VAMP5: variants seen among roughly 807,000 people sequenced by gnomAD.
VAMP5 encodes the protein vesicle associated membrane protein 5, also known as vesicle-associated membrane protein 5.
Under a neutral mutation model 8.1 loss-of-function variants are expected in VAMP5, and 10 were observed. The observed-to-expected ratio is 1.23, with a 90% CI of 0.76 to 2.09. The LOEUF (loss-of-function observed/expected upper bound fraction) is 2.09. Ranked by LOEUF, VAMP5 falls within the 30% of genes most tolerant of loss-of-function variation. The pLI is 0.00. For synonymous variants in VAMP5, 62 were observed against 60.6 expected (o/e 1.02, Z -0.11); for missense variants, 135 against 152.5 (o/e 0.89, Z 0.60).
chr2:85,591,936 T>G, intron 2 of VAMP5, 74 bp downstream of exon 2: 1 of 1,587,698 alleles, frequency 6.3e-7, no homozygotes, highest in Non-Finnish European at 8.6e-7. Flanking sequence ...ATTCAGGATC[T>G]CCAGTTCCTT....
intron 1 of VAMP5, 86 bp downstream of exon 1, chr2:85,584,579 G>T: frequency 1.6e-6 from 2 of 1,228,780 alleles, no homozygotes; most frequent in Non-Finnish European, 2.0e-6. Flanking sequence ...AAGTCCGCGG[G>T]CTGGGGCCTC....
Position 85,593,336 on chromosome 2 carries a change from C to G in VAMP5, c.*179C>G. On this transcript the variant is annotated 3_prime_UTR_variant, in exon 3 of 3. Transcript: ENST00000306384. ...TGGCCCTTGAGGGCAGCCTGCTGTA[C>G]TGGCCATGCTGGGCCAGCCCCACCT... is the stretch of plus-strand genomic sequence containing the variant. The G allele has an allele frequency of 4.5e-6, 3 of 673,206 alleles. No homozygotes were observed. The highest frequency in any genetic ancestry group is 7.6e-6 in the Non-Finnish European group (3 of 395,154). The allele number at this position is 673,206 out of a possible 1,614,324, so 41.7% of individuals were successfully genotyped here.
chr2:85,593,046 C>T lies in VAMP5; in HGVS notation c.240C>T (p.Val80=). The part of the protein sequence containing the change: ...RICVGLVVVG[V]LLIILIVLLV... ...GCGTGGGGCTGGTGGTGGTTGGTGT[C>T]CTGCTCATCATCCTGATTGTGCTGC... The change falls in exon 3 of 3, where the codon GTC becomes GTT. Residue 80 remains valine (V), a synonymous_variant. Transcript: ENST00000306384. 6.2e-7 allele frequency: 1 copy of T among 1,614,208 alleles called. No homozygotes were observed. The highest frequency in any genetic ancestry group is 8.5e-7 in the Non-Finnish European group (1 of 1,180,034).
intron 1 of VAMP5, among the ~76,000 whole-genome samples, chr2:85,588,997 CA>C (rs1672502741): frequency 1.3e-5 from 2 of 152,148 alleles, no homozygotes; most frequent in East Asian, 3.9e-4. Context: ...AGAATAGGCA[CA>C]ATTAGGCCAG....
chr2:85,592,372 C>T (rs1476990688), intron 2 of VAMP5, among the ~76,000 whole-genome samples: 1 of 152,198 alleles, frequency 6.6e-6, no homozygotes, highest in Non-Finnish European at 1.5e-5. Flanking sequence ...GCTGGGATTA[C>T]AGGCATGAGC....
At chr2:85,591,136 C>T (rs1201714052) in intron 1 of VAMP5, among the ~76,000 whole-genome samples, 1 of 152,230 alleles carries the variant, frequency 6.6e-6, no homozygotes, top group East Asian at 1.9e-4. Context: ...AGGATCAGGC[C>T]AGGAGGCAGA....
chr2:85,593,386 G>T lies in VAMP5; in HGVS notation c.*229G>T, dbSNP rs1449600765. On this transcript the variant is annotated 3_prime_UTR_variant, in exon 3 of 3. Transcript: ENST00000306384. ...TGGAGCTCAGTAAAAACTGCTGTTT[G>T]ATTAAAAGCTGGTATCTGTGTGTGA... is the stretch of plus-strand genomic sequence containing the variant. 6 of 579,738 alleles carry T rather than the reference G, an allele frequency of 1.0e-5. No homozygotes were observed. Among genetic ancestry groups the T allele is most frequent in the Middle Eastern group, 4.6e-4 (1 of 2,174 alleles). The allele number at this position is 579,738 out of a possible 1,614,324, so 35.9% of individuals were successfully genotyped here. A position where few individuals can be genotyped will look rare whatever the true frequency, so the allele number is the denominator to read the frequency against.
intron 1 of VAMP5, among the ~76,000 whole-genome samples, chr2:85,587,462 C>T (rs1348258073): frequency 6.6e-6 from 1 of 151,906 alleles, no homozygotes; most frequent in East Asian, 1.9e-4. Flanking sequence ...CCATATTGGC[C>T]AGACTGGTCT....
chr2:85,587,234 G>A (rs1280974734), intron 1 of VAMP5, among the ~76,000 whole-genome samples: 1 of 151,676 alleles, frequency 6.6e-6, no homozygotes, highest in East Asian at 1.9e-4. Flanking sequence ...AAAACGAAGA[G>A]GTTTTACTGA....
chr2:85,591,677 G>T (rs565807420), intron 1 of VAMP5, 48 bp from the exon 2 acceptor site: 2 of 1,612,684 alleles, frequency 1.2e-6, no homozygotes, highest in East Asian at 4.5e-5. Context: ...GGCAGATGAG[G>T]GCCAGGTGGG....
chr2:85,592,096 G>T (rs960416093), intron 2 of VAMP5, among the ~76,000 whole-genome samples: 5 of 152,232 alleles, frequency 3.3e-5, no homozygotes, highest in African/African-American at 9.6e-5. Context: ...AACTGGTATC[G>T]TTTTTTGTTT....
intron 1 of VAMP5, chr2:85,591,492 G>T: frequency 1.8e-6 from 1 of 563,554 alleles, no homozygotes; most frequent in South Asian, 2.1e-5. Context: ...ACTTACCTAG[G>T]TCCTAGGCCC....
intron 1 of VAMP5, 37 bp downstream of exon 1, chr2:85,584,530 G>T: frequency 8.1e-7 from 1 of 1,237,194 alleles, no homozygotes; most frequent in South Asian, 3.7e-5. Context: ...CCCTGCGACG[G>T]GCAGAGGGCG....
Position 85,591,837 on chromosome 2 carries a change from A to C in VAMP5, c.116A>C (p.Gln39Pro). 1 of 1,614,176 alleles carries C rather than the reference A, an allele frequency of 6.2e-7. No individual in the cohort carries two copies. Among genetic ancestry groups the C allele is most frequent in the Non-Finnish European group, 8.5e-7 (1 of 1,180,026 alleles). Residue 39 changes from glutamine to proline, a missense_variant, in exon 2 of 3, where the codon CAG becomes CCG. By Grantham distance (76) the Gln-to-Pro change is moderately conservative (BLOSUM62 -1). Coordinates refer to ENST00000306384, the MANE Select transcript of VAMP5 (RefSeq NM_006634.3). ...GGTGTGAAGCTGGCCGAACTGCAGC[A>C]GCGTTCAGACCAACTCCTGGATATG... Reference protein sequence around the residue: ...ERGVKLAELQQRSDQLLDMSS... With the variant: ...ERGVKLAELQPRSDQLLDMSS...
At chr2:85,586,864 A>G (rs1284033651) in intron 1 of VAMP5, among the ~76,000 whole-genome samples, 1 of 152,162 alleles carries the variant, frequency 6.6e-6, no homozygotes, top group Non-Finnish European at 1.5e-5. Flanking sequence ...TCACGAGGTC[A>G]GGAGTTCGAG....
intron 1 of VAMP5, 147 bp from the exon 2 acceptor site, chr2:85,591,578 C>T: frequency 1.6e-6 from 2 of 1,248,102 alleles, no homozygotes; most frequent in Non-Finnish European, 2.2e-6. Context: ...GACCTTCACT[C>T]CGCACACATC....
At chr2:85,588,357 C>T (rs534146107) in intron 1 of VAMP5, among the ~76,000 whole-genome samples, 1 of 152,282 alleles carries the variant, frequency 6.6e-6, no homozygotes, top group South Asian at 2.1e-4. Flanking sequence ...CAGGGGGCAA[C>T]AGTCTGTCAA....
intron 1 of VAMP5, among the ~76,000 whole-genome samples, chr2:85,588,577 C>A (rs1448491352): frequency 6.6e-6 from 1 of 152,158 alleles, no homozygotes; most frequent in Non-Finnish European, 1.5e-5. Context: ...TTCTCCACCC[C>A]TCTGGCTGGC....
At chr2:85,587,229 G>A (rs1219876754) in intron 1 of VAMP5, among the ~76,000 whole-genome samples, 2 of 151,802 alleles carry the variant, frequency 1.3e-5, no homozygotes, top group African/African-American at 2.4e-5. Flanking sequence ...TTTATAAAAC[G>A]AAGAGGTTTT....
Sources: gnomAD v4.1 joint callset for allele counts (sites outside exome capture counted in the v4.1 genomes callset) on GRCh38, gnomAD v4.1.1 for gene constraint, MANE v1.5 for transcripts, NCBI Gene and HGNC (gene_info 2026-07-23, HGNC 2026-07-21) for gene names.